Variants in LMBR1 observed in about 807,000 individuals in gnomAD.
The protein encoded by LMBR1 is limb region 1 protein homolog.
LMBR1 carries 52 observed loss-of-function variants against 73.9 expected under a neutral mutation model. The observed-to-expected ratio is 0.70, with a 90% CI of 0.56 to 0.89. LMBR1 has a LOEUF of 0.89. LMBR1 is among the 40% of genes least tolerant of loss of function. The probability of loss-of-function intolerance (pLI) is 0.00; values close to 1 mark genes in which losing one functional copy is unlikely to be tolerated. For missense variants in LMBR1, 539 were observed against 579.8 expected (o/e 0.93, Z 0.72); for synonymous variants, 215 against 209.4 (o/e 1.03, Z -0.23).
chr7:156,728,503 T>C (rs1240506309), intron 11 of LMBR1, 141 bp downstream of exon 11: 6 of 514,968 alleles, frequency 1.2e-5, no homozygotes, highest in Non-Finnish European at 2.0e-5. Flanking sequence ...TTTTCATAAA[T>C]AAAGGCATAG....
chr7:156,725,786 C>T lies in LMBR1; in HGVS notation c.1045G>A (p.Ala349Thr). 6.2e-7 allele frequency: 1 copy of T among 1,613,696 alleles called. No homozygotes were observed. The highest frequency in any genetic ancestry group is 1.7e-4 in the Middle Eastern group (1 of 6,058). ...SLSTFGFVGA[A>T]LEIILIFYLM... ...TACAAAATCAAAATGATTTCAAGCGCAGCTCCCACAAAACCAAACGTAGAA... is the reference window on the plus strand; with the variant it reads ...TACAAAATCAAAATGATTTCAAGCGTAGCTCCCACAAAACCAAACGTAGAA... Residue 349 changes from alanine (A) to threonine (T), a missense_variant, in exon 13 of 17, where the codon GCG becomes ACG. By Grantham distance (58) the Ala-to-Thr change is moderately conservative (BLOSUM62 0). Transcript: ENST00000353442.
At chr7:156,864,178 A>AAAAATAG (rs1257643498) in intron 1 of LMBR1, among the ~76,000 whole-genome samples, 12 of 152,150 alleles carry the variant, frequency 7.9e-5, no homozygotes, top group African/African-American at 2.9e-4. Context: ...ATAAAAAATA[A>AAAAATAG]AAATAGCTAG....
Position 156,792,348 on chromosome 7 carries a change from G to A in LMBR1, c.423+4041C>T, listed in dbSNP as rs549557469. Among the ~76,000 whole-genome samples the A allele has an allele frequency of 2.0e-5, 3 of 152,302 alleles. No homozygotes were observed. In the East Asian group the frequency reaches 5.8e-4, roughly 29 times the overall value. On this transcript the variant is annotated intron_variant, in intron 5 of 16. Transcript: ENST00000353442. ...CAGTTGAAAAATTAAGATGTAAACGGAGTCACTTTCAAATACCTATGAACA... is the reference window on the plus strand; with the variant it reads ...CAGTTGAAAAATTAAGATGTAAACGAAGTCACTTTCAAATACCTATGAACA...
rs1020541807 is a variant in LMBR1, at chr7:156,683,303, A to T, written c.*775T>A. On this transcript the variant is annotated 3_prime_UTR_variant, in exon 17 of 17. Transcript: ENST00000353442. ...AAAAATCCAAGTTACAAGTGTATTA[A>T]ACACTGGCAACTATGTTATCAGAGG... 1 of 152,472 alleles carries T rather than the reference A, an allele frequency of 6.6e-6. No homozygotes were observed. Among genetic ancestry groups the T allele is most frequent in the Non-Finnish European group, 1.5e-5 (1 of 68,046 alleles). 9.4% of individuals were successfully genotyped at this position (152,472 alleles called of 1,614,324 possible). A position where few individuals can be genotyped will look rare whatever the true frequency, so the allele number is the denominator to read the frequency against.
At chr7:156,700,399 G>T (rs963953125) in intron 15 of LMBR1, among the ~76,000 whole-genome samples, 1 of 71,946 alleles carries the variant, frequency 1.4e-5, no homozygotes, top group African/African-American at 8.4e-5. Flanking sequence ...TTGTGGGGTG[G>T]GAGGAGGGGG....
At chr7:156,881,687 C>T (rs980291005) in intron 1 of LMBR1, among the ~76,000 whole-genome samples, 1 of 152,050 alleles carries the variant, frequency 6.6e-6, no homozygotes, top group African/African-American at 2.4e-5. Context: ...AAGCATTTCT[C>T]TAAAGACATA....
At chr7:156,803,995 G>C (rs570504455) in intron 4 of LMBR1, among the ~76,000 whole-genome samples, 194 of 129,248 alleles carry the variant, frequency 1.5e-3, no homozygotes, top group Non-Finnish European at 2.7e-3. Context: ...GACTGTTGTG[G>C]GGTGGGGGGA....
chr7:156,807,022 A>G (rs1832256616), intron 4 of LMBR1, among the ~76,000 whole-genome samples: 1 of 143,356 alleles, frequency 7.0e-6, no homozygotes, highest in South Asian at 2.2e-4. Context: ...ATGTATTGTT[A>G]CGACCATATG....
At chr7:156,733,124 G>T (rs535750919) in intron 10 of LMBR1, among the ~76,000 whole-genome samples, 114 of 152,230 alleles carry the variant, frequency 7.5e-4, no homozygotes, top group African/African-American at 2.4e-3. Context: ...TAGCCTGGGC[G>T]ACAGAGTGAG....
intron 4 of LMBR1, among the ~76,000 whole-genome samples, chr7:156,809,972 C>T (rs1008761185): frequency 2.0e-5 from 3 of 152,080 alleles, no homozygotes; most frequent in Admixed American, 1.3e-4. Context: ...TTTTTCTCAA[C>T]TCCCCTCCTT....
chr7:156,743,807 A>T (rs1054630858), intron 9 of LMBR1, among the ~76,000 whole-genome samples: 1 of 152,182 alleles, frequency 6.6e-6, no homozygotes, highest in Non-Finnish European at 1.5e-5. Context: ...CCCTACAGGG[A>T]TGCTTTTCTG....
At chr7:156,818,805 A>G (rs1177689189) in intron 4 of LMBR1, among the ~76,000 whole-genome samples, 3 of 152,216 alleles carry the variant, frequency 2.0e-5, no homozygotes, top group African/African-American at 7.2e-5. Flanking sequence ...AAGATATAGA[A>G]AATGTATAGA....
chr7:156,855,992 A>G (rs1175060913), intron 1 of LMBR1, among the ~76,000 whole-genome samples: 13 of 152,110 alleles, frequency 8.5e-5, no homozygotes, highest in Admixed American at 7.9e-4. Context: ...TCAGGAGATC[A>G]AGACCATCCT....
chr7:156,820,413 T>C lies in LMBR1; in HGVS notation c.319+6192A>G, dbSNP rs117334004. Among the ~76,000 whole-genome samples, 171 of 152,274 alleles carry C rather than the reference T, an allele frequency of 1.1e-3. 3 individuals carry two copies. The East Asian group carries it at 0.029, about 26-fold the overall frequency. ...AAATCTTGATCACCTTTCCCTTCCA[T>C]AGGATATTAATATCACACTGGCCCA... On this transcript the variant is annotated intron_variant, in intron 4 of 16. Coordinates refer to ENST00000353442, the MANE Select transcript of LMBR1 (RefSeq NM_022458.4).
At chr7:156,831,870 TG>T (rs2133872856) in intron 3 of LMBR1, among the ~76,000 whole-genome samples, 1 of 152,316 alleles carries the variant, frequency 6.6e-6, no homozygotes, top group South Asian at 2.1e-4. Context: ...ACAGACTGAA[TG>T]GAGAGGAGAA....
intron 10 of LMBR1, 111 bp downstream of exon 10, chr7:156,734,066 A>G (rs1035911192): frequency 1.6e-6 from 1 of 616,296 alleles, no homozygotes; most frequent in Non-Finnish European, 2.7e-6. Flanking sequence ...TGGGCAGGTC[A>G]AAAGTTTTAA....
chr7:156,684,700 T>C (rs1240587001), intron 16 of LMBR1, among the ~76,000 whole-genome samples: 1 of 152,200 alleles, frequency 6.6e-6, no homozygotes, highest in Non-Finnish European at 1.5e-5. Flanking sequence ...CTCACGCCTG[T>C]CATCCCAGCA....
chr7:156,695,344 T>C (rs1326859870), intron 15 of LMBR1, among the ~76,000 whole-genome samples: 1 of 152,194 alleles, frequency 6.6e-6, no homozygotes, highest in Non-Finnish European at 1.5e-5. Flanking sequence ...GTTCTCACAC[T>C]GCTATAAAGA....
chr7:156,683,665 C>G lies in LMBR1; in HGVS notation c.*413G>C, dbSNP rs1805427556. On this transcript the variant is annotated 3_prime_UTR_variant, in exon 17 of 17. Coordinates refer to ENST00000353442, the MANE Select transcript of LMBR1 (RefSeq NM_022458.4). ...TAAGCTTCACTTAGTACCAAGGATG[C>G]CTTTCAAGTCAGCTTCTACATTCTG... is the stretch of plus-strand genomic sequence containing the variant. 1 of 156,220 alleles carries G rather than the reference C, an allele frequency of 6.4e-6. No individual in the cohort carries two copies. Among genetic ancestry groups the G allele is most frequent in the Non-Finnish European group, 1.4e-5 (1 of 70,908 alleles). The allele number at this position is 156,220 out of a possible 1,614,324, so 9.7% of individuals were successfully genotyped here.
Sources: gnomAD v4.1 joint callset for allele counts (sites outside exome capture counted in the v4.1 genomes callset) on GRCh38, gnomAD v4.1.1 for gene constraint, MANE v1.5 for transcripts, NCBI Gene and HGNC (gene_info 2026-07-23, HGNC 2026-07-21) for gene names.